The following MALRD1 variants were observed in gnomAD, a reference collection of about 807,000 sequenced individuals.
MALRD1 encodes the protein MAM and LDL receptor class A domain containing 1, also known as MAM and LDL-receptor class A domain-containing protein 1.
A neutral mutation model predicts 242.1 loss-of-function variants in MALRD1; 247 were observed. The observed-to-expected ratio is 1.02, with a 90% confidence interval of 0.92 to 1.13. The LOEUF (loss-of-function observed/expected upper bound fraction) is 1.13, where lower values mean the gene tolerates loss of function less well. Among genes scored for constraint, MALRD1 ranks in the 50% most tolerant of loss-of-function variants. The pLI is 0.00. For synonymous variants in MALRD1, 995 were observed against 866.6 expected, an observed-to-expected ratio of 1.15 and a Z score of -2.60; for missense variants, 2,989 against 2,533.1, an observed-to-expected ratio of 1.18 and a Z score of -3.86.
At chr10:19,716,504 C>T (rs1030545021) in intron 38 of MALRD1, among the ~76,000 whole-genome samples, 5 of 152,196 alleles carry the variant, frequency 3.3e-5, no homozygotes, top group African/African-American at 1.2e-4. Flanking sequence ...AAACAGAAGC[C>T]ACTATGCTTC....
At chr10:19,450,561 G>T (rs1451959712) in intron 29 of MALRD1, 71 bp downstream of exon 29, 2 of 1,297,788 alleles carry the variant, frequency 1.5e-6, no homozygotes, top group South Asian at 1.5e-5. Context: ...TGTTACACAA[G>T]TTTACAATGC....
intron 18 of MALRD1, among the ~76,000 whole-genome samples, chr10:19,235,530 C>G (rs1328706834): frequency 7.3e-6 from 1 of 137,918 alleles, no homozygotes; most frequent in African/African-American, 2.7e-5. Context: ...CAAACAAAAA[C>G]CAGAAGTAAA....
chr10:19,150,840 A>T (rs1290983336), intron 11 of MALRD1, among the ~76,000 whole-genome samples: 2 of 152,206 alleles, frequency 1.3e-5, no homozygotes, highest in Non-Finnish European at 2.9e-5. Flanking sequence ...TAATGTATCT[A>T]GCTGTTCCCC....
At chr10:19,661,118 T>G (rs894418458) in intron 36 of MALRD1, among the ~76,000 whole-genome samples, 16 of 152,068 alleles carry the variant, frequency 1.1e-4, no homozygotes, top group Admixed American at 5.2e-4. Flanking sequence ...TGGCAATCAT[T>G]AAAAAGTCAG....
Position 19,208,989 on chromosome 10 carries a change from A to G in MALRD1, c.2579-279A>G, listed in dbSNP as rs555429466. Among the ~76,000 whole-genome samples, 409 of 152,354 alleles carry G rather than the reference A, an allele frequency of 2.7e-3. 2 individuals carry two copies. Among genetic ancestry groups the G allele is most frequent in the African/African-American group, 9.3e-3 (386 of 41,580 alleles). On this transcript the variant is annotated intron_variant, in intron 17 of 39. Transcript: ENST00000454679. ...TGATCATGTGCCTGGAGTTATGGTC[A>G]TAGAAATGGAGAAGAGATGTGCATA...
intron 28 of MALRD1, among the ~76,000 whole-genome samples, chr10:19,430,781 A>G (rs148876707): frequency 6.6e-6 from 1 of 152,280 alleles, no homozygotes; most frequent in Non-Finnish European, 1.5e-5. Flanking sequence ...CACCTGCGCT[A>G]AGGAGTATTA....
intron 38 of MALRD1, among the ~76,000 whole-genome samples, chr10:19,718,107 G>GGAAGAA (rs34633700): frequency 7.0e-6 from 1 of 142,384 alleles, no homozygotes; most frequent in Non-Finnish European, 1.5e-5. Context: ...AAGAGGAAGA[G>GGAAGAA]GAAGAAGAAG....
chr10:19,639,758 C>A (rs1205257433), intron 36 of MALRD1, among the ~76,000 whole-genome samples: 1 of 152,188 alleles, frequency 6.6e-6, no homozygotes, highest in Admixed American at 6.5e-5. Context: ...AGCACAGTAT[C>A]ATTTTCAGAA....
chr10:19,423,355 G>T (rs1340411938), intron 28 of MALRD1, among the ~76,000 whole-genome samples: 1 of 151,244 alleles, frequency 6.6e-6, no homozygotes, highest in Non-Finnish European at 1.5e-5. Context: ...TATTTTTAAG[G>T]TAGACTATTT....
intron 18 of MALRD1, among the ~76,000 whole-genome samples, chr10:19,226,575 A>G (rs1253700403): frequency 6.6e-6 from 1 of 152,096 alleles, no homozygotes; most frequent in Non-Finnish European, 1.5e-5. Flanking sequence ...ATTCCCATGA[A>G]ACCTTATAGG....
At chr10:19,304,214 A>T (rs1250821920) in intron 21 of MALRD1, among the ~76,000 whole-genome samples, 1 of 151,628 alleles carries the variant, frequency 6.6e-6, no homozygotes, top group Non-Finnish European at 1.5e-5. Flanking sequence ...TGGCCTGTGG[A>T]CTTGGACTAA....
At chr10:19,050,942 AT>A (rs1834474696) in intron 1 of MALRD1, among the ~76,000 whole-genome samples, 1 of 152,242 alleles carries the variant, frequency 6.6e-6, no homozygotes, top group Non-Finnish European at 1.5e-5. Flanking sequence ...TGCATGAAAA[AT>A]TCTAATAACA....
At chr10:19,099,730 C>T (rs1162243412) in intron 4 of MALRD1, among the ~76,000 whole-genome samples, 3 of 150,534 alleles carry the variant, frequency 2.0e-5, no homozygotes, top group Non-Finnish European at 2.9e-5. Flanking sequence ...ACAGCTCTGA[C>T]CAGGACCCTC....
At chr10:19,690,732 A>G (rs1842782838) in intron 36 of MALRD1, among the ~76,000 whole-genome samples, 1 of 151,862 alleles carries the variant, frequency 6.6e-6, no homozygotes, top group Admixed American at 6.6e-5. Flanking sequence ...CTATATATAA[A>G]TATAAATATA....
intron 31 of MALRD1, among the ~76,000 whole-genome samples, chr10:19,525,071 A>AT (rs375129603): frequency 0.015 from 2,176 of 140,876 alleles, 35 homozygotes; most frequent in East Asian, 0.039. Context: ...TGCCCAGCTA[A>AT]TTTTTTTTTT....
chr10:19,558,350 A>G (rs976458151), intron 32 of MALRD1, among the ~76,000 whole-genome samples: 3 of 152,126 alleles, frequency 2.0e-5, no homozygotes, highest in African/African-American at 7.2e-5. Flanking sequence ...GTTTTTCACT[A>G]TTAAGGATGA....
At chr10:19,385,683 C>G (rs1276279988) in intron 26 of MALRD1, among the ~76,000 whole-genome samples, 1 of 151,920 alleles carries the variant, frequency 6.6e-6, no homozygotes, top group East Asian at 1.9e-4. Context: ...AAAAAATGAA[C>G]CATGTATTTT....
intron 36 of MALRD1, among the ~76,000 whole-genome samples, chr10:19,619,890 C>A (rs1839326515): frequency 6.6e-6 from 1 of 151,880 alleles, no homozygotes; most frequent in African/African-American, 2.4e-5. Context: ...TCACCCTCAC[C>A]CTCATAGTCT....
intron 28 of MALRD1, among the ~76,000 whole-genome samples, chr10:19,405,392 G>A (rs888135412): frequency 6.6e-6 from 1 of 152,090 alleles, no homozygotes; most frequent in African/African-American, 2.4e-5. Flanking sequence ...TCAGCATTGT[G>A]TACTTTTCCC....
Sources: gnomAD v4.1 joint callset for allele counts (sites outside exome capture counted in the v4.1 genomes callset) on GRCh38, gnomAD v4.1.1 for gene constraint, MANE v1.5 for transcripts, NCBI Gene and HGNC (gene_info 2026-07-23, HGNC 2026-07-21) for gene names.